CNGB3: variants seen among roughly 807,000 people sequenced by gnomAD.
CNGB3 encodes the protein cyclic nucleotide-gated channel beta-3.
In CNGB3, 86 loss-of-function variants were observed where a neutral mutation model predicts 92.8. That is an observed-to-expected ratio of 0.93 (90% confidence interval 0.78 to 1.11). The LOEUF is 1.11. Ranked by LOEUF, CNGB3 falls within the 50% of genes least tolerant of loss-of-function variation. The pLI, the probability that CNGB3 is intolerant of heterozygous loss-of-function variation, is 0.00. For synonymous variants in CNGB3, 333 were observed against 332.7 expected, an observed-to-expected ratio of 1.00 and a Z score of -0.01; for missense variants, 1,026 against 956.8, an observed-to-expected ratio of 1.07 and a Z score of -0.95.
In CNGB3 at chr8:86,726,662, G is replaced by GA. The variant is rs745969238; in HGVS notation, c.212-6dup. The GA allele has an allele frequency of 3.0e-5, 48 of 1,608,106 alleles. No individual in the cohort carries two copies. Among genetic ancestry groups the GA allele is most frequent in the East Asian group, 6.7e-5 (3 of 44,714 alleles). ...AATTTTTCTTGGAGAGTTTGTCTAT[G>GA]AAAAAAAAATTCACATAGATAGAAG... On this transcript the variant is annotated splice_region_variant and splice_polypyrimidine_tract_variant and intron_variant, in intron 2 of 17. Coordinates refer to ENST00000320005, the MANE Select transcript of CNGB3 (RefSeq NM_019098.5).
intron 6 of CNGB3, among the ~76,000 whole-genome samples, chr8:86,664,977 G>A (rs1032466935): frequency 6.6e-6 from 1 of 152,152 alleles, no homozygotes; most frequent in African/African-American, 2.4e-5. Context: ...ACACATGGTT[G>A]TTGAGTTCTG....
At chr8:86,593,605 T>A in intron 15 of CNGB3, 1 of 430,400 alleles carries the variant, frequency 2.3e-6, no homozygotes, top group Admixed American at 3.4e-5. Context: ...CAAATGGCCA[T>A]GAGAGGTGGT....
chr8:86,650,985 A>T (rs952030507), intron 7 of CNGB3, among the ~76,000 whole-genome samples: 1 of 151,864 alleles, frequency 6.6e-6, no homozygotes, highest in Non-Finnish European at 1.5e-5. Context: ...TTTAGACATA[A>T]AAAGGAATCA....
chr8:86,687,854 C>A (rs1341476230), intron 3 of CNGB3, among the ~76,000 whole-genome samples: 1 of 151,796 alleles, frequency 6.6e-6, no homozygotes, highest in African/African-American at 2.4e-5. Context: ...TGGTAAGTTC[C>A]AAATCAAGTG....
intron 15 of CNGB3, among the ~76,000 whole-genome samples, chr8:86,586,352 A>T (rs1054789345): frequency 2.0e-5 from 3 of 151,820 alleles, no homozygotes; most frequent in African/African-American, 7.3e-5. Context: ...TTTTTTAATT[A>T]TACTTTAAGT....
At chr8:86,735,042 G>GTT (rs60107723) in intron 2 of CNGB3, among the ~76,000 whole-genome samples, 2,189 of 85,740 alleles carry the variant, frequency 0.026, 170 homozygotes, top group East Asian at 0.062. Flanking sequence ...AATGCCGGTG[G>GTT]TTTTTTTTTT....
At chr8:86,630,022 T>A (rs919336970) in intron 11 of CNGB3, among the ~76,000 whole-genome samples, 2 of 152,204 alleles carry the variant, frequency 1.3e-5, no homozygotes, top group Non-Finnish European at 2.9e-5. Flanking sequence ...AACGACTCAT[T>A]CTTTGGAGTC....
intron 6 of CNGB3, among the ~76,000 whole-genome samples, chr8:86,654,972 C>A (rs1585995547): frequency 1.3e-5 from 2 of 152,236 alleles, no homozygotes; most frequent in Admixed American, 1.3e-4. Context: ...AGCAACTGCC[C>A]ATTGTCCTCT....
intron 15 of CNGB3, among the ~76,000 whole-genome samples, chr8:86,596,414 A>G (rs1465539285): frequency 6.7e-6 from 1 of 150,210 alleles, no homozygotes; most frequent in African/African-American, 2.5e-5. Context: ...ATAAAATAAA[A>G]CAAAGTAATT....
At chr8:86,640,732 C>G (rs1188158344) in intron 10 of CNGB3, among the ~76,000 whole-genome samples, 1 of 150,704 alleles carries the variant, frequency 6.6e-6, no homozygotes, top group African/African-American at 2.4e-5. Context: ...AATCATGAAT[C>G]AAAACTTTTA....
At chr8:86,661,412 A>C in intron 6 of CNGB3, 1 of 456,126 alleles carries the variant, frequency 2.2e-6, no homozygotes, top group Admixed American at 2.7e-5. Context: ...AGGACAAAAA[A>C]ATTCCAGCAG....
At chr8:86,666,507 C>T (rs1036479813) in intron 6 of CNGB3, among the ~76,000 whole-genome samples, 3 of 152,060 alleles carry the variant, frequency 2.0e-5, no homozygotes, top group Non-Finnish European at 4.4e-5. Flanking sequence ...GTAAATGGGG[C>T]TAATTACATC....
At chr8:86,578,322 C>T (rs1029771589) in intron 17 of CNGB3, among the ~76,000 whole-genome samples, 1 of 152,094 alleles carries the variant, frequency 6.6e-6, no homozygotes, top group African/African-American at 2.4e-5. Context: ...CCACCCTGCA[C>T]GTGCTGTTGT....
intron 3 of CNGB3, among the ~76,000 whole-genome samples, chr8:86,699,280 TATA>T (rs1297153766): frequency 1.3e-5 from 2 of 152,062 alleles, no homozygotes; most frequent in South Asian, 2.1e-4. Context: ...TATAATCTTA[TATA>T]ATAATAATTT....
At chr8:86,659,032 C>T in intron 6 of CNGB3, 1 of 976,698 alleles carries the variant, frequency 1.0e-6, no homozygotes, top group African/African-American at 1.6e-5. Context: ...TCGGCCTCCA[C>T]TTATAGCTGC....
chr8:86,648,358 C>A (rs561873574), intron 7 of CNGB3, among the ~76,000 whole-genome samples: 2 of 151,266 alleles, frequency 1.3e-5, no homozygotes, highest in East Asian at 3.9e-4. Context: ...CATTTAGGCT[C>A]TTCAATGCTT....
chr8:86,578,164 C>G (rs569861835), intron 17 of CNGB3, among the ~76,000 whole-genome samples: 21 of 152,258 alleles, frequency 1.4e-4, no homozygotes, highest in Admixed American at 1.2e-3. Context: ...CCGCCTTGGT[C>G]TCCCAAAGTG....
intron 3 of CNGB3, among the ~76,000 whole-genome samples, chr8:86,712,118 A>C (rs1046236299): frequency 1.3e-5 from 2 of 152,166 alleles, no homozygotes; most frequent in African/African-American, 4.8e-5. Context: ...TAATTAAATC[A>C]TTAACAATTT....
chr8:86,705,438 T>C (rs315971), intron 3 of CNGB3, among the ~76,000 whole-genome samples: 135,519 of 152,018 alleles, frequency 0.89, 60,700 homozygotes, highest in East Asian at 1. Context: ...TCCATGCTCC[T>C]ATTCCTAGAA....
Sources: gnomAD v4.1 joint callset for allele counts (sites outside exome capture counted in the v4.1 genomes callset) on GRCh38, gnomAD v4.1.1 for gene constraint, MANE v1.5 for transcripts, NCBI Gene and HGNC (gene_info 2026-07-23, HGNC 2026-07-21) for gene names.